Variants in PARN observed in about 807,000 individuals in gnomAD.
PARN encodes poly(A)-specific ribonuclease.
A neutral mutation model predicts 102.8 loss-of-function variants in PARN; 71 were observed. That is an observed-to-expected ratio of 0.69 (90% CI 0.57 to 0.84). The LOEUF is 0.84. PARN is among the 40% of genes least tolerant of loss of function. PARN has a pLI of 0.00. For synonymous variants in PARN, 261 were observed against 252.9 expected (o/e 1.03, Z -0.30); for missense variants, 782 against 760.9 (o/e 1.03, Z -0.33).
intron 7 of PARN, among the ~76,000 whole-genome samples, chr16:14,610,238 T>G (rs1202515763): frequency 6.6e-6 from 1 of 152,138 alleles, no homozygotes; most frequent in Non-Finnish European, 1.5e-5. Context: ...TTTGAGAGGC[T>G]GAGGCGGGCA....
intron 22 of PARN, among the ~76,000 whole-genome samples, chr16:14,460,166 CCT>C (rs2098218946): frequency 6.6e-6 from 1 of 152,116 alleles, no homozygotes; most frequent in African/African-American, 2.4e-5. Flanking sequence ...CAATTTTTCA[CCT>C]CAACATCCTA....
chr16:14,574,292 T>C (rs1396317870), intron 18 of PARN, among the ~76,000 whole-genome samples: 1 of 152,134 alleles, frequency 6.6e-6, no homozygotes, highest in Non-Finnish European at 1.5e-5. Context: ...ATTTAGGGTA[T>C]CTGGCAGAAG....
At chr16:14,615,617 T>A (rs560379633) in intron 6 of PARN, among the ~76,000 whole-genome samples, 1 of 152,144 alleles carries the variant, frequency 6.6e-6, no homozygotes, top group South Asian at 2.1e-4. Context: ...AAAAACAATA[T>A]GGGCCAGGCC....
At chr16:14,467,863 CCTT>C (rs1484274844) in intron 22 of PARN, among the ~76,000 whole-genome samples, 1 of 152,226 alleles carries the variant, frequency 6.6e-6, no homozygotes, top group Non-Finnish European at 1.5e-5. Flanking sequence ...GTCTGCATGG[CCTT>C]CTGAGCAGGA....
intron 11 of PARN, among the ~76,000 whole-genome samples, chr16:14,600,538 T>C (rs1970809378): frequency 6.6e-6 from 1 of 152,138 alleles, no homozygotes; most frequent in Admixed American, 6.5e-5. Context: ...CCCCTTCTAC[T>C]TGTCTCATCA....
rs1402026152 is a variant in PARN, at chr16:14,570,434, G to A, written c.1262+10440C>T. The stretch of plus-strand genomic sequence containing the variant: ...TTGGGAGACCGAGGCGGCGGATCAT[G>A]AGGTCAAGAGTTCGAGACCAGCCTG... On this transcript the variant is annotated intron_variant, in intron 18 of 23. Transcript: ENST00000437198. Among the ~76,000 whole-genome samples, 3 of 150,900 alleles carry A rather than the reference G, an allele frequency of 2.0e-5. No homozygotes were observed. In the East Asian group the frequency reaches 5.8e-4, roughly 29 times the overall value.
At chr16:14,455,370 T>A (rs962197795) in intron 22 of PARN, among the ~76,000 whole-genome samples, 2 of 152,210 alleles carry the variant, frequency 1.3e-5, no homozygotes, top group African/African-American at 4.8e-5. Flanking sequence ...TAATTCAAAT[T>A]TTATATCAGC....
chr16:14,579,017 C>T (rs1417634258), intron 18 of PARN, among the ~76,000 whole-genome samples: 11 of 151,614 alleles, frequency 7.3e-5, no homozygotes, highest in African/African-American at 2.2e-4. Flanking sequence ...GAGGGAGTCT[C>T]ACTCTGTTGC....
chr16:14,501,463 G>GAAAAC (rs1964609771), intron 21 of PARN: 1 of 53,250 alleles, frequency 1.9e-5, no homozygotes, highest in East Asian at 7.0e-4. Context: ...AAAAAAAACA[G>GAAAAC]AAAGAAAAAG....
At chr16:14,603,943 G>A (rs867005585) in intron 11 of PARN, among the ~76,000 whole-genome samples, 5 of 152,218 alleles carry the variant, frequency 3.3e-5, no homozygotes, top group Non-Finnish European at 7.3e-5. Context: ...CATCAGTGAC[G>A]TCAGACTCAC....
At chr16:14,570,079 G>A (rs1373543320) in intron 18 of PARN, among the ~76,000 whole-genome samples, 1 of 152,028 alleles carries the variant, frequency 6.6e-6, no homozygotes, top group Non-Finnish European at 1.5e-5. Context: ...GGTGGCTCAC[G>A]CCTGTAATCC....
Position 14,604,211 on chromosome 16 carries a change from C to T in PARN, c.718G>A (p.Val240Ile). Reference protein sequence around the residue: ...LETEKKERYIVISKVDEEERK... With the variant: ...LETEKKERYIIISKVDEEERK... ...TCTTCTTCATCTACTTTGCTGATAA[C>T]TATATATCGCTCCTTCTAAAAGACA... The change falls in exon 11 of 24, where the codon GTT (valine) becomes ATT (isoleucine). Residue 240 changes from valine (V) to isoleucine (I), a missense_variant. Val to Ile is a conservative substitution (Grantham distance 29). Coordinates refer to ENST00000437198, the MANE Select transcript of PARN (RefSeq NM_002582.4). The T allele has an allele frequency of 1.3e-6, 2 of 1,587,480 alleles. No individual in the cohort carries two copies. Among genetic ancestry groups the T allele is most frequent in the Admixed American group, 1.8e-5 (1 of 56,904 alleles).
chr16:14,499,158 T>C (rs945363432), intron 21 of PARN, among the ~76,000 whole-genome samples: 3 of 152,250 alleles, frequency 2.0e-5, no homozygotes, highest in African/African-American at 7.2e-5. Context: ...TTAAGTAAGC[T>C]GCTTCCCTGT....
At chr16:14,619,320 C>T (rs1452272181) in intron 5 of PARN, among the ~76,000 whole-genome samples, 1 of 152,096 alleles carries the variant, frequency 6.6e-6, no homozygotes, top group Admixed American at 6.6e-5. Flanking sequence ...TTAGACTGGG[C>T]TGGACATGGT....
chr16:14,543,765 G>T (rs1966855455), intron 21 of PARN, among the ~76,000 whole-genome samples: 1 of 151,976 alleles, frequency 6.6e-6, no homozygotes, highest in African/African-American at 2.4e-5. Flanking sequence ...GCAGAAAAGG[G>T]GGTATACAAA....
At chr16:14,463,895 C>T (rs1962161721) in intron 22 of PARN, among the ~76,000 whole-genome samples, 1 of 143,522 alleles carries the variant, frequency 7.0e-6, no homozygotes, top group Non-Finnish European at 1.5e-5. Flanking sequence ...TGCTGTGACA[C>T]AATCACAGCT....
chr16:14,608,272 A>G lies in PARN; in HGVS notation c.659+9T>C. ...CCACAGAGCTGCTGCATACAATATAAATACTTACTTCCAGCTCAAAGTCTG... is the reference window on the plus strand; with the variant it reads ...CCACAGAGCTGCTGCATACAATATAGATACTTACTTCCAGCTCAAAGTCTG... On this transcript the variant is annotated intron_variant, in intron 9 of 23. Transcript: ENST00000437198. 1 of 1,524,106 alleles carries G rather than the reference A, an allele frequency of 6.6e-7. No homozygotes were observed. The highest frequency in any genetic ancestry group is 1.2e-5 in the South Asian group (1 of 83,060). 94.4% of individuals were successfully genotyped at this position (1,524,106 alleles called of 1,614,324 possible).
In PARN at chr16:14,580,924, T is replaced by C. The variant is rs2151749150; in HGVS notation, c.1212A>G (p.Pro404=). The C allele has an allele frequency of 1.2e-6, 2 of 1,608,884 alleles. No individual in the cohort carries two copies. Among genetic ancestry groups the C allele is most frequent in the East Asian group, 2.2e-5 (1 of 44,850 alleles). Residue 404 remains proline (P), a synonymous_variant, in exon 18 of 24, where the codon CCA becomes CCG. Transcript: ENST00000437198. ...TTGATCTGGCAGACACATGAATTTT[T>C]GGAGGGCTGAGAAAAGAACCTAATG... ...ANYLGSFLSP[P]KIHVSARSKL... is the part of the protein sequence containing the mutation.
At chr16:14,451,771 G>A (rs569297450) in intron 22 of PARN, among the ~76,000 whole-genome samples, 2 of 144,834 alleles carry the variant, frequency 1.4e-5, no homozygotes, top group South Asian at 4.4e-4. Flanking sequence ...CACTTAGGGA[G>A]GCCAAGGCAG....
Sources: allele counts gnomAD v4.1 joint callset (sites outside exome capture counted in the v4.1 genomes callset), GRCh38; gene constraint gnomAD v4.1.1; transcripts MANE v1.5; gene names NCBI Gene and HGNC (gene_info 2026-07-23, HGNC 2026-07-21).